The following ANKRD18B variants were observed in gnomAD, a reference collection of about 807,000 sequenced individuals.
ANKRD18B encodes the protein ankyrin repeat domain 18B.
Under a neutral mutation model 111.8 loss-of-function variants are expected in ANKRD18B, and 75 were observed. The observed-to-expected ratio is 0.67, with a 90% CI of 0.56 to 0.81. ANKRD18B has a LOEUF of 0.81. ANKRD18B is among the 40% of genes least tolerant of loss of function. The pLI, the probability that ANKRD18B is intolerant of heterozygous loss-of-function variation, is 0.00. For missense variants in ANKRD18B, 1,038 were observed against 1,225.5 expected (o/e 0.85, Z 2.28); for synonymous variants, 356 against 417.3 (o/e 0.85, Z 1.79).
In ANKRD18B at chr9:33,524,684, C is replaced by T. The variant is rs1563897001; in HGVS notation, c.195C>T (p.Asp65=). ...TRRFRDLDVR[D]RKDRTVLHLA... ...GGTTCCGGGACTTGGACGTCCGCGA[C>T]AGAAAAGACAGGTAGCGGGGGCTCA... Residue 65 remains aspartate (D), a synonymous_variant, in exon 1 of 19, where the codon GAC becomes GAT. Transcript: ENST00000684830. 1 of 1,549,810 alleles carries T rather than the reference C, an allele frequency of 6.5e-7. No homozygotes were observed. The highest frequency in any genetic ancestry group is 1.2e-5 in the South Asian group (1 of 83,866).
chr9:33,568,364 T>TAG (rs1383165093), intron 16 of ANKRD18B, among the ~76,000 whole-genome samples: 2 of 152,200 alleles, frequency 1.3e-5, no homozygotes, highest in East Asian at 3.8e-4. Context: ...ATCTTATAAG[T>TAG]AGAGCTATTT....
At chr9:33,539,337 T>C (rs1828246816) in intron 6 of ANKRD18B, 112 bp from the exon 7 acceptor site, 1 of 160,932 alleles carries the variant, frequency 6.2e-6, no homozygotes. Flanking sequence ...TCTTCTAAAA[T>C]GTGGGTAGGA....
At chr9:33,528,173 C>T (rs1480088329) in intron 1 of ANKRD18B, among the ~76,000 whole-genome samples, 1 of 152,140 alleles carries the variant, frequency 6.6e-6, no homozygotes. Flanking sequence ...TGCTGGTGCA[C>T]TCCTGTGGTC....
At position 33,546,705 on chromosome 9, in the gene ANKRD18B, T is replaced by A. The variant is rs556446864; in HGVS notation, c.1150-1233T>A. On this transcript the variant is annotated intron_variant, in intron 10 of 18. Transcript: ENST00000684830. Reference sequence around the variant, plus strand: ...GTAATTGATGTAATTCAGCAATATGTAATTGTATCTTCCCTTTTGGTGCCA... The same window carrying A: ...GTAATTGATGTAATTCAGCAATATGAAATTGTATCTTCCCTTTTGGTGCCA... Among the ~76,000 whole-genome samples, 265 of 152,286 alleles carry A rather than the reference T, an allele frequency of 1.7e-3. 1 individual carries two copies. The highest frequency in any genetic ancestry group is 6.0e-3 in the African/African-American group (250 of 41,576).
chr9:33,573,596 G>A (rs1038625879), downstream of ANKRD18B, among the ~76,000 whole-genome samples: 2 of 145,008 alleles, frequency 1.4e-5, no homozygotes, highest in African/African-American at 4.9e-5. Flanking sequence ...GTGAAGCTGG[G>A]TACCTGGAGC....
Position 33,524,824 on chromosome 9 carries a change from T to C in ANKRD18B, c.206+129T>C. 3 of 1,165,346 alleles carry C rather than the reference T, an allele frequency of 2.6e-6. No homozygotes were observed. The South Asian group carries it at 4.8e-5, about 19-fold the overall frequency. The allele number at this position is 1,165,346 out of a possible 1,614,324, so 72.2% of individuals were successfully genotyped here. Reference sequence around the variant, plus strand: ...GAGCCAAATGGAGCCTCAGCTGCTTTCCATCGCTGGGAATTTCCCGCCTGT... The same window carrying C: ...GAGCCAAATGGAGCCTCAGCTGCTTCCCATCGCTGGGAATTTCCCGCCTGT... On this transcript the variant is annotated intron_variant, in intron 1 of 18. Coordinates refer to ENST00000684830, the MANE Select transcript of ANKRD18B (RefSeq NM_001393611.1).
chr9:33,543,200 T>C lies in ANKRD18B; in HGVS notation c.1094T>C (p.Val365Ala). 6.4e-7 allele frequency: 1 copy of C among 1,552,646 alleles called. No homozygotes were observed. Among genetic ancestry groups the C allele is most frequent in the Admixed American group, 2.0e-5 (1 of 51,108 alleles). Residue 365 changes from valine (V) to alanine (A), a missense_variant, in exon 10 of 19, where the codon GTG becomes GCG. Physicochemically the swap from Val to Ala is moderately conservative, Grantham distance 64 (BLOSUM62 0). Coordinates refer to ENST00000684830, the MANE Select transcript of ANKRD18B (RefSeq NM_001393611.1). ...TTGTCAGCAGAACACAACTTAAAAG[T>C]GGCTTCAGAGGAAAAGCAAGAAAGG... is the stretch of plus-strand genomic sequence containing the variant. Reference protein sequence around the residue: ...KEGAKEHNLKVASEEKQERLE... With the variant: ...KEGAKEHNLKAASEEKQERLE...
intron 10 of ANKRD18B, among the ~76,000 whole-genome samples, chr9:33,543,777 T>C (rs1166191486): frequency 6.6e-6 from 1 of 152,210 alleles, no homozygotes; most frequent in African/African-American, 2.4e-5. Flanking sequence ...AACTGCCTAT[T>C]GAGAGAATTA....
At position 33,534,254 on chromosome 9, in the gene ANKRD18B, A is replaced by T. The variant is rs868328911; in HGVS notation, c.603-116A>T. On this transcript the variant is annotated intron_variant, in intron 4 of 18. Transcript: ENST00000684830. ...TATACACATAAGCTAGTACATGTAA[A>T]TGGTTATTATGTCTATCCTGACAGG... is the stretch of plus-strand genomic sequence containing the variant. 50 of 1,364,018 alleles carry T rather than the reference A, an allele frequency of 3.7e-5. No individual in the cohort carries two copies. In the African/African-American group the frequency reaches 6.2e-4, roughly 17 times the overall value. The allele number at this position is 1,364,018 out of a possible 1,614,324, so 84.5% of individuals were successfully genotyped here.
At chr9:33,550,337 A>G in intron 11 of ANKRD18B, 93 bp from the exon 12 acceptor site, 1 of 1,259,218 alleles carries the variant, frequency 7.9e-7, no homozygotes. Context: ...TGTGTGTGGT[A>G]ATAATTTTCA....
chr9:33,566,218 G>A lies in ANKRD18B; in HGVS notation c.2461-1G>A. On this transcript the variant is annotated splice_acceptor_variant, in intron 14 of 18. Coordinates refer to ENST00000684830, the MANE Select transcript of ANKRD18B (RefSeq NM_001393611.1). LOFTEE classifies it high-confidence loss of function. Reference sequence around the variant, plus strand: ...CAAGCTCTATTATTTTATTAATGCAGTTTGATGATCTTATGGCCGAGAAGG... The same window carrying A: ...CAAGCTCTATTATTTTATTAATGCAATTTGATGATCTTATGGCCGAGAAGG... 3.2e-6 allele frequency: 5 copies of A among 1,550,558 alleles called. No individual in the cohort carries two copies. The highest frequency in any genetic ancestry group is 3.5e-6 in the Non-Finnish European group (4 of 1,146,348).
At chr9:33,553,600 C>T (rs1225148419) in intron 12 of ANKRD18B, among the ~76,000 whole-genome samples, 4 of 152,200 alleles carry the variant, frequency 2.6e-5, no homozygotes, top group East Asian at 1.9e-4. Context: ...TGAAGAATCT[C>T]GATCAGGAAG....
intron 12 of ANKRD18B, among the ~76,000 whole-genome samples, chr9:33,552,883 A>G (rs964411154): frequency 6.6e-6 from 1 of 152,192 alleles, no homozygotes; most frequent in Non-Finnish European, 1.5e-5. Context: ...GCTTCACGTC[A>G]GTCCCTGGTT....
At chr9:33,566,881 C>T in intron 15 of ANKRD18B, 2 of 508,244 alleles carry the variant, frequency 3.9e-6, no homozygotes, top group Non-Finnish European at 6.8e-6. Context: ...GACCAGATTA[C>T]ATTAATACTA....
chr9:33,561,319 A>G (rs1175773182), intron 14 of ANKRD18B, among the ~76,000 whole-genome samples: 4 of 152,220 alleles, frequency 2.6e-5, no homozygotes, highest in African/African-American at 9.6e-5. Context: ...TGTGCTTATT[A>G]TCCATCTTTA....
chr9:33,537,855 G>A (rs1159054291), intron 6 of ANKRD18B, among the ~76,000 whole-genome samples: 1 of 152,070 alleles, frequency 6.6e-6, no homozygotes, highest in African/African-American at 2.4e-5. Context: ...AATAAAGTAC[G>A]CTAGAGAAAT....
At chr9:33,553,347 A>T (rs1348194800) in intron 12 of ANKRD18B, among the ~76,000 whole-genome samples, 1 of 152,038 alleles carries the variant, frequency 6.6e-6, no homozygotes, top group Non-Finnish European at 1.5e-5. Flanking sequence ...CAGCCTGGGT[A>T]ACAGAGCAAG....
Position 33,567,301 on chromosome 9 carries a change from G to GA in ANKRD18B, c.2947dup (p.Ile983AsnfsTer6). ...ATTGAAAGCTAACAGTTCCATGTCA[G>GA]AAAAAATAACGAAGTAAGTCAAAAC... On this transcript the variant is annotated frameshift_variant, in exon 16 of 19. Coordinates refer to ENST00000684830, the MANE Select transcript of ANKRD18B (RefSeq NM_001393611.1). LOFTEE classifies it high-confidence loss of function. 2 of 1,539,226 alleles carry GA rather than the reference G, an allele frequency of 1.3e-6. No individual in the cohort carries two copies. The highest frequency in any genetic ancestry group is 2.1e-5 in the Admixed American group (1 of 47,430).
At chr9:33,553,082 T>C (rs1359238024) in intron 12 of ANKRD18B, among the ~76,000 whole-genome samples, 1 of 150,990 alleles carries the variant, frequency 6.6e-6, no homozygotes, top group African/African-American at 2.4e-5. Flanking sequence ...GAACACCTGG[T>C]TGGTGAGGTG....
Sources: gnomAD v4.1 joint callset for allele counts (sites outside exome capture counted in the v4.1 genomes callset) on GRCh38, gnomAD v4.1.1 for gene constraint, MANE v1.5 for transcripts, NCBI Gene and HGNC (gene_info 2026-07-23, HGNC 2026-07-21) for gene names.